The following ZER1 variants were observed in gnomAD, a reference collection of about 807,000 sequenced individuals.
ZER1 encodes zyg-11 related cell cycle regulator, also known as protein zer-1 homolog.
A neutral mutation model predicts 78.8 loss-of-function variants in ZER1; 11 were observed. The ratio of observed to expected loss-of-function variants is 0.14; its 90% CI spans 0.09 to 0.23. The LOEUF (loss-of-function observed/expected upper bound fraction) is 0.23. ZER1 is among the 10% of genes least tolerant of loss of function. The pLI is 1.00. For missense variants in ZER1, 588 were observed against 996.9 expected (o/e 0.59, Z 5.52); for synonymous variants, 400 against 407.0 (o/e 0.98, Z 0.21).
At position 128,750,701 on chromosome 9, in the gene ZER1, T is replaced by G; in HGVS notation, c.1274A>C (p.Glu425Ala). The G allele has an allele frequency of 6.2e-7, 1 of 1,614,188 alleles. No homozygotes were observed. The highest frequency in any genetic ancestry group is 8.5e-7 in the Non-Finnish European group (1 of 1,180,022). ...SAALFYLTNS[E>A]YRSEQSVKLR... ...CTTCACACTCTGCTCTGAGCGGTAC[T>G]CGGAATTTGTTAGGTAGAAGAGAGC... is the stretch of plus-strand genomic sequence containing the variant. Residue 425 changes from glutamate to alanine, a missense_variant, in exon 8 of 16, where the codon GAG (glutamate) becomes GCG (alanine). By Grantham distance (107) the Glu-to-Ala change is moderately radical (BLOSUM62 -1). Around this residue, in one of 3 missense-constraint regions of ZER1, gnomAD observed 406 missense variants for 660.1 expected, o/e 0.62. Transcript: ENST00000291900.
chr9:128,756,375 G>A (rs1863860430), intron 1 of ZER1, among the ~76,000 whole-genome samples: 1 of 152,150 alleles, frequency 6.6e-6, no homozygotes, highest in South Asian at 2.1e-4. Flanking sequence ...AGTGCGGTGA[G>A]CCGACACCCT....
chr9:128,741,215 A>C (rs1589522104), intron 11 of ZER1, among the ~76,000 whole-genome samples: 1 of 152,348 alleles, frequency 6.6e-6, no homozygotes, highest in East Asian at 1.9e-4. Flanking sequence ...GCATGTGTTT[A>C]AGGATGAACA....
chr9:128,738,533 A>C (rs1589519398), intron 13 of ZER1, among the ~76,000 whole-genome samples: 1 of 137,556 alleles, frequency 7.3e-6, no homozygotes, highest in Non-Finnish European at 1.6e-5. Context: ...CTACAGGCGC[A>C]TGCCACCACG....
Position 128,753,121 on chromosome 9 carries a change from C to A in ZER1, c.746+43G>T. On this transcript the variant is annotated intron_variant, in intron 4 of 15. Transcript: ENST00000291900. The surrounding 1 kb of genome is among the most constrained non-coding windows in gnomAD (Gnocchi z 7.5). ...ACCCACCTCTACTCCTCCCCACCTGCCCCCCAAACCCCACCCTGGTGAGCT... is the reference window on the plus strand; with the variant it reads ...ACCCACCTCTACTCCTCCCCACCTGACCCCCAAACCCCACCCTGGTGAGCT... 2 of 1,482,056 alleles carry A rather than the reference C, an allele frequency of 1.3e-6. No individual in the cohort carries two copies. Among genetic ancestry groups the A allele is most frequent in the South Asian group, 1.3e-5 (1 of 75,352 alleles). The allele number at this position is 1,482,056 out of a possible 1,614,324, so 91.8% of individuals were successfully genotyped here.
intron 1 of ZER1, among the ~76,000 whole-genome samples, chr9:128,769,314 C>T (rs774254543): frequency 1.1e-4 from 16 of 152,350 alleles, no homozygotes; most frequent in African/African-American, 2.9e-4. Flanking sequence ...TCAGCGTGAC[C>T]GCTATGTATT....
At chr9:128,760,629 C>T (rs1352617919) in intron 1 of ZER1, among the ~76,000 whole-genome samples, 1 of 150,706 alleles carries the variant, frequency 6.6e-6, no homozygotes, top group Non-Finnish European at 1.5e-5. Flanking sequence ...CCGTCTCTAC[C>T]AAAATACAAA....
intron 9 of ZER1, 51 bp from the exon 10 acceptor site, chr9:128,741,892 AC>A: frequency 6.2e-7 from 1 of 1,612,278 alleles, no homozygotes; most frequent in African/African-American, 1.3e-5. Context: ...AAGAACTCCC[AC>A]CCCCACGAAC....
At chr9:128,763,342 C>T (rs978371816) in intron 1 of ZER1, among the ~76,000 whole-genome samples, 15 of 152,122 alleles carry the variant, frequency 9.9e-5, no homozygotes, top group Admixed American at 2.0e-4. Context: ...CCCACAGGCC[C>T]GATCTACCAC....
At chr9:128,748,998 G>A (rs1177561524) in intron 8 of ZER1, among the ~76,000 whole-genome samples, 4 of 145,724 alleles carry the variant, frequency 2.7e-5, no homozygotes, top group Non-Finnish European at 6.0e-5. Flanking sequence ...GAGCCACCAC[G>A]CCCAGCCTGA....
intron 15 of ZER1, 66 bp downstream of exon 15, chr9:128,733,360 G>C: frequency 7.0e-7 from 1 of 1,425,498 alleles, no homozygotes; most frequent in Non-Finnish European, 9.7e-7. Context: ...CCTCCAGAGG[G>C]CGCCCGCTAT....
At chr9:128,734,144 A>AAAAAAAAAAATAT in intron 14 of ZER1, among the ~76,000 whole-genome samples, 2 of 14,446 alleles carry the variant, frequency 1.4e-4, no homozygotes, top group African/African-American at 3.7e-4. Flanking sequence ...AAAAAAAAAA[A>AAAAAAAAAAATAT]ATATATATAT....
intron 8 of ZER1, among the ~76,000 whole-genome samples, chr9:128,747,987 G>A (rs560672055): frequency 1.3e-5 from 2 of 152,152 alleles, no homozygotes; most frequent in Non-Finnish European, 2.9e-5. Context: ...TAGTGCAATG[G>A]CTCATGCTTA....
At chr9:128,762,139 TTG>T (rs1864071283) in intron 1 of ZER1, among the ~76,000 whole-genome samples, 1 of 151,754 alleles carries the variant, frequency 6.6e-6, no homozygotes. Flanking sequence ...TCATCTGCTG[TTG>T]TTAGTGTTGG....
At chr9:128,756,314 C>T (rs1296138502) in intron 1 of ZER1, among the ~76,000 whole-genome samples, 4 of 152,192 alleles carry the variant, frequency 2.6e-5, no homozygotes, top group Middle Eastern at 3.4e-3. Context: ...GGCGTGGTGG[C>T]GGGCGCCTGT....
Position 128,733,264 on chromosome 9 carries a change from T to C in ZER1, c.2243+162A>G, listed in dbSNP as rs565439128. ...AGCCACAATGTGGTCGAGATGACATTTGGAGAGGCCCCAGGTGGACATCAA... is the reference window on the plus strand; with the variant it reads ...AGCCACAATGTGGTCGAGATGACATCTGGAGAGGCCCCAGGTGGACATCAA... On this transcript the variant is annotated intron_variant, in intron 15 of 15. Transcript: ENST00000291900. 31 of 559,490 alleles carry C rather than the reference T, an allele frequency of 5.5e-5. No individual in the cohort carries two copies. The East Asian group carries it at 5.7e-4, about 10-fold the overall frequency. 34.7% of individuals were successfully genotyped at this position (559,490 alleles called of 1,614,324 possible).
chr9:128,735,697 G>A (rs1863042730), intron 13 of ZER1, among the ~76,000 whole-genome samples: 1 of 147,074 alleles, frequency 6.8e-6, no homozygotes, highest in Non-Finnish European at 1.5e-5. Flanking sequence ...TCAGCAAGGA[G>A]CAGAGACCCA....
At chr9:128,750,560 G>A (rs1277734819) in intron 8 of ZER1, 56 bp downstream of exon 8, 4 of 1,591,224 alleles carry the variant, frequency 2.5e-6, no homozygotes, top group Admixed American at 1.7e-5. Flanking sequence ...GACGCAAGAA[G>A]CAGGAAAGGG....
At chr9:128,745,199 G>GTTTT (rs570009551) in intron 8 of ZER1, among the ~76,000 whole-genome samples, 5 of 128,500 alleles carry the variant, frequency 3.9e-5, no homozygotes, top group South Asian at 2.5e-4. Flanking sequence ...ATTTGTTTGG[G>GTTTT]TTTTTTTTTT....
At chr9:128,748,999 C>T (rs1863588708) in intron 8 of ZER1, among the ~76,000 whole-genome samples, 1 of 149,868 alleles carries the variant, frequency 6.7e-6, no homozygotes, top group Admixed American at 6.6e-5. Flanking sequence ...AGCCACCACG[C>T]CCAGCCTGAG....
Sources: allele counts gnomAD v4.1 joint callset (sites outside exome capture counted in the v4.1 genomes callset), GRCh38; gene constraint gnomAD v4.1.1; regional missense constraint gnomAD v4.1.1; non-coding constraint Gnocchi (gnomAD v3.1); transcripts MANE v1.5; gene names NCBI Gene and HGNC (gene_info 2026-07-23, HGNC 2026-07-21).